Variants in CACNG2 observed in about 807,000 individuals in gnomAD.
CACNG2 encodes calcium voltage-gated channel auxiliary subunit gamma 2.
A neutral mutation model predicts 25.9 loss-of-function variants in CACNG2; 3 were observed. The ratio of observed to expected loss-of-function variants is 0.12; its 90% CI spans 0.05 to 0.30. The LOEUF is 0.30. Among genes scored for constraint, CACNG2 ranks in the 10% least tolerant of loss-of-function variants. The pLI is 1.00. For missense variants in CACNG2, 341 were observed against 432.5 expected, an observed-to-expected ratio of 0.79 and a Z score of 1.88; for synonymous variants, 167 against 173.3, an observed-to-expected ratio of 0.96 and a Z score of 0.29.
At chr22:36,618,369 G>A (rs1048353374) in intron 1 of CACNG2, among the ~76,000 whole-genome samples, 2 of 139,608 alleles carry the variant, frequency 1.4e-5, no homozygotes, top group African/African-American at 5.4e-5. Context: ...AGGTCTCCTT[G>A]CTGCCCTTAC....
intron 1 of CACNG2, among the ~76,000 whole-genome samples, chr22:36,686,256 G>A (rs1601456388): frequency 6.6e-6 from 1 of 152,168 alleles, no homozygotes; most frequent in Admixed American, 6.5e-5. Flanking sequence ...AACAGCAACA[G>A]CTCGCTGCCA....
intron 1 of CACNG2, among the ~76,000 whole-genome samples, chr22:36,666,476 T>G (rs1569045834): frequency 1.3e-5 from 2 of 151,896 alleles, no homozygotes; most frequent in Non-Finnish European, 2.9e-5. Context: ...ATAGTGACAA[T>G]CATAGAGACA....
At chr22:36,653,883 A>G (rs1041859173) in intron 1 of CACNG2, among the ~76,000 whole-genome samples, 1 of 150,238 alleles carries the variant, frequency 6.7e-6, no homozygotes, top group African/African-American at 2.4e-5. Context: ...TAAGAGAGAG[A>G]GGAAGAATCC....
intron 2 of CACNG2, among the ~76,000 whole-genome samples, chr22:36,569,647 C>A (rs1197254385): frequency 6.6e-6 from 1 of 152,182 alleles, no homozygotes; most frequent in East Asian, 1.9e-4. Flanking sequence ...TCAAGCAATT[C>A]TCCTGCCTCA....
intron 1 of CACNG2, among the ~76,000 whole-genome samples, chr22:36,624,911 C>A (rs544105412): frequency 1.3e-5 from 2 of 150,330 alleles, no homozygotes; most frequent in African/African-American, 2.4e-5. Context: ...GCCTATAATT[C>A]CAGCTACTTG....
chr22:36,654,032 G>T (rs1256618736), intron 1 of CACNG2, among the ~76,000 whole-genome samples: 1 of 148,566 alleles, frequency 6.7e-6, no homozygotes, highest in East Asian at 2.0e-4. Flanking sequence ...GTGCGCATTT[G>T]GGGGGTACTT....
At chr22:36,668,934 G>A (rs902964461) in intron 1 of CACNG2, among the ~76,000 whole-genome samples, 2 of 152,126 alleles carry the variant, frequency 1.3e-5, no homozygotes, top group African/African-American at 4.8e-5. Context: ...TGTTCTATCT[G>A]GGCCATCAGT....
chr22:36,599,283 GA>G (rs1169500824), intron 1 of CACNG2, among the ~76,000 whole-genome samples: 34 of 152,208 alleles, frequency 2.2e-4, no homozygotes, highest in Admixed American at 1.3e-3. Context: ...TCAAGCTGCA[GA>G]AAAATGCATA....
At position 36,565,673 on chromosome 22, in the gene CACNG2, G is replaced by A. The variant is rs573489834; in HGVS notation, c.436+680C>T. 5.3e-5 allele frequency among the ~76,000 whole-genome samples: 8 copies of A among 152,206 alleles called. No individual in the cohort carries two copies. The South Asian group carries it at 1.2e-3, about 24-fold the overall frequency. ...AATAAAAAAATTTCTGTAGAGACGC[G>A]GTCTTGAGGCCTCGCTGTGTTGCCC... On this transcript the variant is annotated intron_variant, in intron 3 of 3. Coordinates refer to ENST00000300105, the MANE Select transcript of CACNG2 (RefSeq NM_006078.5).
intron 1 of CACNG2, among the ~76,000 whole-genome samples, chr22:36,599,346 A>G (rs954348700): frequency 6.6e-5 from 10 of 152,210 alleles, no homozygotes; most frequent in Non-Finnish European, 1.5e-5. Flanking sequence ...ATTATTTAGA[A>G]ATACATGTGT....
At position 36,564,467 on chromosome 22, in the gene CACNG2, C is replaced by T. The variant is rs377137598; in HGVS notation, c.856G>A (p.Ala286Thr). The change falls in exon 4 of 4, where the codon GCC (alanine) becomes ACC (threonine). Residue 286 changes from alanine (A) to threonine (T), a missense_variant. Physicochemically the swap from Ala to Thr is moderately conservative, Grantham distance 58 (BLOSUM62 0). Around this residue, in one of 2 missense-constraint regions of CACNG2, gnomAD observed 172 missense variants for 178.1 expected, o/e 0.97. Coordinates refer to ENST00000300105, the MANE Select transcript of CACNG2 (RefSeq NM_006078.5). The surrounding 1 kb of genome is among the most constrained non-coding windows in gnomAD (Gnocchi z 6.7). ...TTATCCCTGTCGGAGTTGTAGGTGGCGGTGGGCGTGGTGGCGGCCTTCAGG... is the reference window on the plus strand; with the variant it reads ...TTATCCCTGTCGGAGTTGTAGGTGGTGGTGGGCGTGGTGGCGGCCTTCAGG... Reference protein sequence around the residue: ...DPLKAATTPTATYNSDRDNSF... With the variant: ...DPLKAATTPTTTYNSDRDNSF... The T allele has an allele frequency of 8.7e-6, 14 of 1,613,932 alleles. No homozygotes were observed. Among genetic ancestry groups the T allele is most frequent in the Non-Finnish European group, 1.0e-5 (12 of 1,179,990 alleles).
intron 1 of CACNG2, among the ~76,000 whole-genome samples, chr22:36,597,220 C>T (rs572183761): frequency 5.3e-5 from 8 of 152,300 alleles, no homozygotes; most frequent in East Asian, 1.9e-4. Context: ...GGTGGGGTTT[C>T]GCCATGTTGG....
chr22:36,576,576 G>GTGTGTGTGTGTGTGTA (rs1301843366), intron 2 of CACNG2, among the ~76,000 whole-genome samples: 12 of 150,526 alleles, frequency 8.0e-5, no homozygotes, highest in Non-Finnish European at 1.2e-4. Flanking sequence ...GTGTGTGCGT[G>GTGTGTGTGTGTGTGTA]TGTGTGTGTG....
intron 1 of CACNG2, among the ~76,000 whole-genome samples, chr22:36,623,237 T>G (rs1936135848): frequency 6.6e-6 from 1 of 151,842 alleles, no homozygotes; most frequent in Non-Finnish European, 1.5e-5. Flanking sequence ...GTCAGGCTGG[T>G]CTCGAACTCC....
intron 2 of CACNG2, among the ~76,000 whole-genome samples, chr22:36,575,586 T>C (rs1603500507): frequency 6.6e-6 from 1 of 152,158 alleles, no homozygotes; most frequent in East Asian, 1.9e-4. Flanking sequence ...GTGCACTCTT[T>C]GCCTAGCTCT....
Position 36,694,456 on chromosome 22 carries a change from A to G in CACNG2, c.211+7910T>C, listed in dbSNP as rs181385087. ...CAGCTAGTGACATGCATTTCCTGGC[A>G]TTGGGGAGCACAGTTAACATCTCTT... On this transcript the variant is annotated intron_variant, in intron 1 of 3. Coordinates refer to ENST00000300105, the MANE Select transcript of CACNG2 (RefSeq NM_006078.5). 2.0e-5 allele frequency among the ~76,000 whole-genome samples: 3 copies of G among 152,298 alleles called. No homozygotes were observed. In the East Asian group the frequency reaches 5.8e-4, roughly 29 times the overall value.
At chr22:36,616,504 C>T (rs138606709) in intron 1 of CACNG2, among the ~76,000 whole-genome samples, 1 of 152,160 alleles carries the variant, frequency 6.6e-6, no homozygotes, top group Non-Finnish European at 1.5e-5. Context: ...GTCTCCCCAG[C>T]GAGAGTGTAA....
At chr22:36,600,731 G>C (rs1180674437) in intron 1 of CACNG2, among the ~76,000 whole-genome samples, 1 of 152,070 alleles carries the variant, frequency 6.6e-6, no homozygotes, top group Non-Finnish European at 1.5e-5. Context: ...ATTTTTGGTA[G>C]AGATGGAGTT....
At chr22:36,685,096 T>C (rs1195716774) in intron 1 of CACNG2, among the ~76,000 whole-genome samples, 1 of 152,166 alleles carries the variant, frequency 6.6e-6, no homozygotes, top group Non-Finnish European at 1.5e-5. Flanking sequence ...TCCACAAATA[T>C]CCATGCCCCG....
Sources: gnomAD v4.1 joint callset for allele counts (sites outside exome capture counted in the v4.1 genomes callset) on GRCh38, gnomAD v4.1.1 for gene constraint, gnomAD v4.1.1 regional missense constraint, Gnocchi (gnomAD v3.1) non-coding constraint, MANE v1.5 for transcripts, NCBI Gene and HGNC (gene_info 2026-07-23, HGNC 2026-07-21) for gene names.